The following LMBRD2 variants were observed in gnomAD, a reference collection of about 807,000 sequenced individuals.
LMBRD2 encodes LMBR1 domain containing 2.
Under a neutral mutation model 94.4 loss-of-function variants are expected in LMBRD2, and 55 were observed. That is an observed-to-expected ratio of 0.58 (90% CI 0.47 to 0.73). LMBRD2 has a LOEUF of 0.73. Among genes scored for constraint, LMBRD2 ranks in the 30% least tolerant of loss-of-function variants. The pLI, the probability that LMBRD2 is intolerant of heterozygous loss-of-function variation, is 0.00. For synonymous variants in LMBRD2, 246 were observed against 272.4 expected, an observed-to-expected ratio of 0.90 and a Z score of 0.95; for missense variants, 640 against 831.9, an observed-to-expected ratio of 0.77 and a Z score of 2.84.
intron 4 of LMBRD2, among the ~76,000 whole-genome samples, chr5:36,137,649 T>A (rs1307525420): frequency 2.0e-5 from 3 of 152,208 alleles, no homozygotes; most frequent in Non-Finnish European, 4.4e-5. Context: ...AATGGGTCTT[T>A]AAAGCCTTTA....
rs770854771 is a variant in LMBRD2 at position 36,117,903 on chromosome 5, T to A, written c.1134A>T (p.Glu378Asp). 2 of 1,606,046 alleles carry A rather than the reference T, an allele frequency of 1.2e-6. No homozygotes were observed. The highest frequency in any genetic ancestry group is 2.2e-5 in the East Asian group (1 of 44,790). Residue 378 changes from glutamate (E) to aspartate (D), a missense_variant, in exon 10 of 18, where the codon GAA becomes GAT. Around this residue, in one of 2 missense-constraint regions of LMBRD2, gnomAD observed 457 missense variants for 642.8 expected, o/e 0.71. Transcript: ENST00000296603. ...TGTAAAACCATGGTCGCAAAAGACA[T>A]TCCCAGTACCATTCTAGAAGACAAA... Reference protein sequence around the residue: ...FYNPTFEWYWECLLRPWFYKI... With the variant: ...FYNPTFEWYWDCLLRPWFYKI...
At chr5:36,130,182 A>G (rs530303489) in intron 6 of LMBRD2, among the ~76,000 whole-genome samples, 2 of 152,298 alleles carry the variant, frequency 1.3e-5, no homozygotes, top group South Asian at 4.1e-4. Flanking sequence ...AACTTAAAGT[A>G]TAATAATAAT....
rs771115979 is a variant in LMBRD2, at chr5:36,141,107, C to T, written c.368G>A (p.Trp123Ter). ...VVYWTSQFLT[W>*]ILLPFMQSYA... Reference sequence around the variant, plus strand: ...AATTTTATCATTTACTGTAACTTACCATGTTAAAAATTGTGACGTCCAATA... The same window carrying T: ...AATTTTATCATTTACTGTAACTTACTATGTTAAAAATTGTGACGTCCAATA... The change falls in exon 4 of 18, where the codon TGG (tryptophan) becomes TAG (stop). Residue 123 changes from tryptophan to a stop codon, truncating the protein, a stop_gained and splice_region_variant. Coordinates refer to ENST00000296603, the MANE Select transcript of LMBRD2 (RefSeq NM_001007527.2). LOFTEE classifies it high-confidence loss of function. 1 of 1,547,358 alleles carries T rather than the reference C, an allele frequency of 6.5e-7. No individual in the cohort carries two copies.
intron 4 of LMBRD2, 108 bp downstream of exon 4, chr5:36,140,998 AG>A (rs1744395034): frequency 6.6e-6 from 4 of 609,456 alleles, no homozygotes; most frequent in South Asian, 6.5e-5. Context: ...ATGGGTAGAA[AG>A]ATTCAGAATG....
At chr5:36,132,102 G>C (rs1311656901) in intron 6 of LMBRD2, among the ~76,000 whole-genome samples, 1 of 151,844 alleles carries the variant, frequency 6.6e-6, no homozygotes, top group Admixed American at 6.6e-5. Context: ...CATGGTGTTA[G>C]GATAAAAACA....
rs1406107416 is a variant in LMBRD2, at chr5:36,103,051, T to TC, written c.*994dup. 1 of 152,016 alleles carries TC rather than the reference T, an allele frequency of 6.6e-6. No homozygotes were observed. Among genetic ancestry groups the TC allele is most frequent in the Non-Finnish European group, 1.5e-5 (1 of 67,782 alleles). The allele number at this position is 152,016 out of a possible 1,614,324, so 9.4% of individuals were successfully genotyped here. A position where few individuals can be genotyped will look rare whatever the true frequency, so the allele number is the denominator to read the frequency against. ...TTTAACCAACAAGTTATTACACATTTCCATTCTAATATAGTTTTGTTTTCT... is the reference window on the plus strand; with the variant it reads ...TTTAACCAACAAGTTATTACACATTTCCCATTCTAATATAGTTTTGTTTTCT... On this transcript the variant is annotated 3_prime_UTR_variant, in exon 18 of 18. Transcript: ENST00000296603.
chr5:36,147,872 G>A, intron 1 of LMBRD2: 1 of 432,388 alleles, frequency 2.3e-6, no homozygotes, highest in Non-Finnish European at 4.7e-6. Flanking sequence ...CAAAACCAAA[G>A]ATTCTGAAAC....
intron 6 of LMBRD2, among the ~76,000 whole-genome samples, chr5:36,127,270 T>G (rs543044717): frequency 6.6e-6 from 1 of 152,308 alleles, no homozygotes; most frequent in East Asian, 1.9e-4. Context: ...AATCCCAAAA[T>G]ACCTTGAAGT....
At chr5:36,118,690 G>A (rs1306531419) in intron 9 of LMBRD2, among the ~76,000 whole-genome samples, 9 of 148,458 alleles carry the variant, frequency 6.1e-5, no homozygotes, top group Non-Finnish European at 1.2e-4. Context: ...TCGCTCTGTC[G>A]CCCAGGCTGG....
At chr5:36,109,839 C>A in intron 15 of LMBRD2, 106 bp downstream of exon 15, 1 of 789,072 alleles carries the variant, frequency 1.3e-6, no homozygotes, top group Non-Finnish European at 2.0e-6. Context: ...TAACATTTTT[C>A]CACTGTTTTT....
rs1338869084 is a variant in LMBRD2 at position 36,100,682 on chromosome 5, C to G, written c.*3364G>C. 6.6e-6 allele frequency: 1 copy of G among 151,996 alleles called. No individual in the cohort carries two copies. Among genetic ancestry groups the G allele is most frequent in the African/African-American group, 2.4e-5 (1 of 41,402 alleles). 9.4% of individuals were successfully genotyped at this position (151,996 alleles called of 1,614,324 possible). ...GATTTTTCAGGGACATATTTTGTCGCTTAGTGCAAATATACTTGTAATTTT... is the reference window on the plus strand; with the variant it reads ...GATTTTTCAGGGACATATTTTGTCGGTTAGTGCAAATATACTTGTAATTTT... On this transcript the variant is annotated 3_prime_UTR_variant, in exon 18 of 18. Coordinates refer to ENST00000296603, the MANE Select transcript of LMBRD2 (RefSeq NM_001007527.2).
chr5:36,122,040 T>C (rs1235696625), intron 9 of LMBRD2, among the ~76,000 whole-genome samples: 1 of 152,186 alleles, frequency 6.6e-6, no homozygotes, highest in Non-Finnish European at 1.5e-5. Flanking sequence ...ATGCTTGATG[T>C]ATACATGTTT....
chr5:36,139,766 G>A (rs1481936678), intron 4 of LMBRD2, among the ~76,000 whole-genome samples: 1 of 152,160 alleles, frequency 6.6e-6, no homozygotes, highest in Non-Finnish European at 1.5e-5. Context: ...CCTCTCCACT[G>A]AGAGCTATAC....
At chr5:36,150,749 A>C (rs188350493) in intron 1 of LMBRD2, among the ~76,000 whole-genome samples, 9 of 152,326 alleles carry the variant, frequency 5.9e-5, no homozygotes, top group Admixed American at 4.6e-4. Context: ...TCTTTACACC[A>C]ATCTCATCTT....
At position 36,147,819 on chromosome 5, in the gene LMBRD2, C is replaced by T. The variant is rs569418508; in HGVS notation, c.-58+3737G>A. On this transcript the variant is annotated intron_variant, in intron 1 of 17. Transcript: ENST00000296603. ...GAGAGAGAGAGAGAGAGAATGGGTA[C>T]CAAGTGATCAGAACACAAACAAAAC... 54 of 382,152 alleles carry T rather than the reference C, an allele frequency of 1.4e-4. 1 individual carries two copies. Among genetic ancestry groups the T allele is most frequent in the Non-Finnish European group, 2.6e-4 (50 of 195,604 alleles). The allele number at this position is 382,152 out of a possible 1,614,324, so 23.7% of individuals were successfully genotyped here. A position where few individuals can be genotyped will look rare whatever the true frequency, so the allele number is the denominator to read the frequency against.
rs1372913915 is a variant in LMBRD2 at position 36,099,202 on chromosome 5, T to A, written c.*4844A>T. On this transcript the variant is annotated 3_prime_UTR_variant, in exon 18 of 18. Transcript: ENST00000296603. ...GAAATAGGTCTGGGCAGAACTTATTTGAGATAGATTTTAAAACTATTTAAA... is the reference window on the plus strand; with the variant it reads ...GAAATAGGTCTGGGCAGAACTTATTAGAGATAGATTTTAAAACTATTTAAA... 2 of 152,114 alleles carry A rather than the reference T, an allele frequency of 1.3e-5. No homozygotes were observed. Among genetic ancestry groups the A allele is most frequent in the African/African-American group, 4.8e-5 (2 of 41,448 alleles). 9.4% of individuals were successfully genotyped at this position (152,114 alleles called of 1,614,324 possible). A position where few individuals can be genotyped will look rare whatever the true frequency, so the allele number is the denominator to read the frequency against.
At chr5:36,115,551 A>G (rs1743720351) in intron 11 of LMBRD2, among the ~76,000 whole-genome samples, 1 of 152,228 alleles carries the variant, frequency 6.6e-6, no homozygotes, top group Non-Finnish European at 1.5e-5. Flanking sequence ...AAGTTGTTCA[A>G]TTCTGTCCAA....
intron 6 of LMBRD2, among the ~76,000 whole-genome samples, chr5:36,134,183 T>G (rs998770849): frequency 1.3e-5 from 2 of 152,086 alleles, no homozygotes; most frequent in East Asian, 3.9e-4. Flanking sequence ...AACAGGAAAT[T>G]TATTCATTTC....
intron 6 of LMBRD2, among the ~76,000 whole-genome samples, chr5:36,135,481 T>C (rs1744249911): frequency 6.6e-6 from 1 of 152,172 alleles, no homozygotes; most frequent in Non-Finnish European, 1.5e-5. Context: ...AAACCAAAGA[T>C]GACCAGTGCA....
Sources: gnomAD v4.1 joint callset for allele counts (sites outside exome capture counted in the v4.1 genomes callset) on GRCh38, gnomAD v4.1.1 for gene constraint, gnomAD v4.1.1 regional missense constraint, MANE v1.5 for transcripts, NCBI Gene and HGNC (gene_info 2026-07-23, HGNC 2026-07-21) for gene names.